The following AKR1B15 variants were observed in gnomAD, a reference collection of about 807,000 sequenced individuals.
AKR1B15 encodes the protein aldo-keto reductase family 1 member B15.
A neutral mutation model predicts 38.5 loss-of-function variants in AKR1B15; 49 were observed. That is an observed-to-expected ratio of 1.27 (90% CI 1.01 to 1.62). The LOEUF is 1.62. AKR1B15 is among the 40% of genes most tolerant of loss of function. AKR1B15 has a pLI of 0.00. For synonymous variants in AKR1B15, 137 were observed against 135.5 expected, an observed-to-expected ratio of 1.01 and a Z score of -0.08; for missense variants, 411 against 381.6, an observed-to-expected ratio of 1.08 and a Z score of -0.64.
At chr7:134,570,839 T>A (rs1266736105) in intron 5 of AKR1B15, among the ~76,000 whole-genome samples, 2 of 152,180 alleles carry the variant, frequency 1.3e-5, no homozygotes, top group Non-Finnish European at 2.9e-5. Context: ...TGGGTTATCT[T>A]GCAGTTATGT....
intron 3 of AKR1B15, chr7:134,565,538 A>T (rs1794513773): frequency 1.9e-5 from 30 of 1,613,832 alleles, no homozygotes; most frequent in Non-Finnish European, 2.5e-5. Flanking sequence ...GGGCCTGGGC[A>T]CTTGGAGGGT....
intron 2 of AKR1B15, among the ~76,000 whole-genome samples, chr7:134,562,838 C>CTTTCTT (rs1562946927): frequency 2.1e-5 from 1 of 47,512 alleles, no homozygotes; most frequent in African/African-American, 1.0e-4. Flanking sequence ...CTTTCTCTTT[C>CTTTCTT]TTTCTTTCTT....
intron 3 of AKR1B15, chr7:134,565,203 C>T: frequency 2.3e-6 from 1 of 427,516 alleles, no homozygotes; most frequent in Non-Finnish European, 4.2e-6. Context: ...TTTGGGTCCA[C>T]ACCACCTTTA....
In AKR1B15 at chr7:134,577,736, G is replaced by A; in HGVS notation, c.942G>A (p.Met314Ile). ...ACTTTAAATTGAGTGATGAGGAGAT[G>A]GCAACCATACTCAGCTTCAACAGAA... ...VFDFKLSDEE[M>I]ATILSFNRNW... The change falls in exon 11 of 12, where the codon ATG becomes ATA. Residue 314 changes from methionine (M) to isoleucine (I), a missense_variant. By Grantham distance (10) the Met-to-Ile change is conservative. Around this residue, in one of 3 missense-constraint regions of AKR1B15, gnomAD observed 133 missense variants for 120.3 expected, o/e 1.11. Transcript: ENST00000457545. 1 of 1,613,964 alleles carries A rather than the reference G, an allele frequency of 6.2e-7. No individual in the cohort carries two copies. Among genetic ancestry groups the A allele is most frequent in the Non-Finnish European group, 8.5e-7 (1 of 1,179,958 alleles).
At chr7:134,565,075 A>G (rs760305608) in intron 3 of AKR1B15, 2 of 299,834 alleles carry the variant, frequency 6.7e-6, no homozygotes, top group Non-Finnish European at 1.2e-5. Flanking sequence ...GTGGGCAAAT[A>G]ATGGAATAAA....
intron 1 of AKR1B15, 55 bp from the exon 2 acceptor site, chr7:134,556,681 T>G (rs763740826): frequency 6.6e-6 from 1 of 152,056 alleles, no homozygotes; most frequent in South Asian, 2.1e-4. Flanking sequence ...CAGATCTACA[T>G]GTACAGTGGG....
At chr7:134,573,318 A>G in intron 6 of AKR1B15, 3 of 969,306 alleles carry the variant, frequency 3.1e-6, no homozygotes, top group Non-Finnish European at 3.7e-6. Context: ...GGCGTGAGCT[A>G]TAGCACCAGG....
chr7:134,573,996 C>T (rs1160273428), intron 6 of AKR1B15, among the ~76,000 whole-genome samples: 1 of 152,116 alleles, frequency 6.6e-6, no homozygotes, highest in African/African-American at 2.4e-5. Flanking sequence ...GACTCCTGGG[C>T]TCAAGTAAAC....
chr7:134,579,613 C>A lies in AKR1B15; in HGVS notation c.*64C>A. 1 of 1,414,496 alleles carries A rather than the reference C, an allele frequency of 7.1e-7. No individual in the cohort carries two copies. 87.6% of individuals were successfully genotyped at this position (1,414,496 alleles called of 1,614,324 possible). On this transcript the variant is annotated 3_prime_UTR_variant, in exon 12 of 12. Coordinates refer to ENST00000457545, the MANE Select transcript of AKR1B15 (RefSeq NM_001080538.3). The stretch of plus-strand genomic sequence containing the variant: ...TTCTTCGCTGAAGTGTGACTGTCTC[C>A]ACTCAAGAACTATTTTAGCCAAGCT...
intron 6 of AKR1B15, chr7:134,573,478 T>A (rs1249111255): frequency 2.0e-6 from 2 of 985,266 alleles, no homozygotes; most frequent in African/African-American, 3.5e-5. Flanking sequence ...TTGAAAGGCA[T>A]GAAAAGATAT....
At chr7:134,578,629 C>T (rs776910492) in intron 11 of AKR1B15, among the ~76,000 whole-genome samples, 1 of 152,222 alleles carries the variant, frequency 6.6e-6, no homozygotes, top group Non-Finnish European at 1.5e-5. Flanking sequence ...GCATTTATTA[C>T]TGCGAGGTCT....
intron 1 of AKR1B15, among the ~76,000 whole-genome samples, chr7:134,550,046 G>A (rs750649914): frequency 6.6e-6 from 1 of 152,072 alleles, no homozygotes; most frequent in Non-Finnish European, 1.5e-5. Flanking sequence ...CTGGCGTTTG[G>A]ATTGCCATAC....
At chr7:134,556,487 G>A (rs1448880522) in intron 1 of AKR1B15, among the ~76,000 whole-genome samples, 1 of 152,136 alleles carries the variant, frequency 6.6e-6, no homozygotes, top group Non-Finnish European at 1.5e-5. Flanking sequence ...TTAGCGCAAG[G>A]TATAACTTAC....
chr7:134,550,477 C>G (rs1007336557), intron 1 of AKR1B15, among the ~76,000 whole-genome samples: 4 of 152,140 alleles, frequency 2.6e-5, no homozygotes, highest in Non-Finnish European at 1.5e-5. Flanking sequence ...GGGGGGTCAC[C>G]TAAGTCCCAC....
rs570848535 is a variant in AKR1B15 at position 134,552,177 on chromosome 7, C to T, written c.-147+2928C>T. Among the ~76,000 whole-genome samples the T allele has an allele frequency of 2.6e-5, 4 of 152,312 alleles. No individual in the cohort carries two copies. In the South Asian group the frequency reaches 6.2e-4, roughly 24 times the overall value. On this transcript the variant is annotated intron_variant, in intron 1 of 11. Transcript: ENST00000457545. ...TCCCAGAGTGCCCCTTCTCCCTCCTCGGATGAGACCTGCTTCATAAGCTAC... is the reference window on the plus strand; with the variant it reads ...TCCCAGAGTGCCCCTTCTCCCTCCTTGGATGAGACCTGCTTCATAAGCTAC...
At chr7:134,555,231 G>A (rs1395013663) in intron 1 of AKR1B15, among the ~76,000 whole-genome samples, 1 of 152,100 alleles carries the variant, frequency 6.6e-6, no homozygotes, top group Non-Finnish European at 1.5e-5. Flanking sequence ...GCACACCCCA[G>A]CCCAGTTCCT....
chr7:134,561,218 A>G (rs145493856), intron 2 of AKR1B15, among the ~76,000 whole-genome samples: 1 of 152,170 alleles, frequency 6.6e-6, no homozygotes, highest in East Asian at 1.9e-4. Flanking sequence ...GCATGTATTT[A>G]TTTATTTATT....
At chr7:134,559,657 T>C (rs575920530) in intron 2 of AKR1B15, among the ~76,000 whole-genome samples, 1 of 152,348 alleles carries the variant, frequency 6.6e-6, no homozygotes, top group Admixed American at 6.5e-5. Flanking sequence ...TTTGTATGTA[T>C]TTAATTTTAA....
In AKR1B15 at chr7:134,556,820, G is replaced by T. The variant is rs1794213229; in HGVS notation, c.-62G>T. The T allele has an allele frequency of 6.6e-6, 1 of 152,190 alleles. No individual in the cohort carries two copies. The highest frequency in any genetic ancestry group is 6.5e-5 in the Admixed American group (1 of 15,286). The allele number at this position is 152,190 out of a possible 1,614,324, so 9.4% of individuals were successfully genotyped here. On this transcript the variant is annotated 5_prime_UTR_variant, in exon 2 of 12. Transcript: ENST00000457545. ...CAGCAGCTATTGGCACGACTGCCCT[G>T]ATTCAAGGAGAAACTGGACTAATAT...
Sources: allele counts gnomAD v4.1 joint callset (sites outside exome capture counted in the v4.1 genomes callset), GRCh38; gene constraint gnomAD v4.1.1; regional missense constraint gnomAD v4.1.1; transcripts MANE v1.5; gene names NCBI Gene and HGNC (gene_info 2026-07-23, HGNC 2026-07-21).